Variants in GLRA3 observed in about 807,000 individuals in gnomAD.
GLRA3 encodes the protein glycine receptor subunit alpha-3.
A neutral mutation model predicts 60.4 loss-of-function variants in GLRA3; 44 were observed. That is an observed-to-expected ratio of 0.73 (90% CI 0.57 to 0.94). The LOEUF is 0.94. Among genes scored for constraint, GLRA3 ranks in the 40% least tolerant of loss-of-function variants. The pLI is 0.00. For missense variants in GLRA3, 508 were observed against 564.6 expected, an observed-to-expected ratio of 0.90 and a Z score of 1.02; for synonymous variants, 223 against 192.9, an observed-to-expected ratio of 1.16 and a Z score of -1.29.
At chr4:174,771,629 G>A (rs1738390275) in intron 2 of GLRA3, among the ~76,000 whole-genome samples, 1 of 152,184 alleles carries the variant, frequency 6.6e-6, no homozygotes, top group African/African-American at 2.4e-5. Context: ...GGGGGAACAT[G>A]GCCCAGGAGG....
Position 174,643,456 on chromosome 4 carries a change from A to G in GLRA3, c.*330T>C. 1 of 884,430 alleles carries G rather than the reference A, an allele frequency of 1.1e-6. No individual in the cohort carries two copies. The highest frequency in any genetic ancestry group is 1.3e-6 in the Non-Finnish European group (1 of 783,532). The allele number at this position is 884,430 out of a possible 1,614,324, so 54.8% of individuals were successfully genotyped here. ...TTGAATTACAAATCAAGGAATTTCA[A>G]AGTAGTTTTCATGTCTACTATTATG... On this transcript the variant is annotated 3_prime_UTR_variant, in exon 10 of 10. Transcript: ENST00000274093.
chr4:174,788,797 T>C lies in GLRA3; in HGVS notation c.199+19A>G, dbSNP rs1561119838. The C allele has an allele frequency of 2.6e-6, 4 of 1,560,138 alleles. No homozygotes were observed. The highest frequency in any genetic ancestry group is 1.7e-4 in the Middle Eastern group (1 of 5,896). ...GTATATTTAAAACACACATATAAAG[T>C]AGCAAACAGAACAATTACCTTTAAA... On this transcript the variant is annotated intron_variant, in intron 2 of 9. Coordinates refer to ENST00000274093, the MANE Select transcript of GLRA3 (RefSeq NM_006529.4).
intron 7 of GLRA3, among the ~76,000 whole-genome samples, chr4:174,674,613 A>T (rs1734040464): frequency 6.6e-6 from 1 of 152,112 alleles, no homozygotes; most frequent in African/African-American, 2.4e-5. Context: ...CTTACAGGAG[A>T]TGTATTGACA....
chr4:174,692,476 T>C (rs1579455217), intron 5 of GLRA3, among the ~76,000 whole-genome samples: 1 of 150,318 alleles, frequency 6.7e-6, no homozygotes, highest in Non-Finnish European at 1.5e-5. Flanking sequence ...ATGATGACAA[T>C]GGCGGTTTTG....
chr4:174,703,728 T>C (rs752580434), intron 5 of GLRA3, among the ~76,000 whole-genome samples: 1 of 152,186 alleles, frequency 6.6e-6, no homozygotes, highest in Non-Finnish European at 1.5e-5. Flanking sequence ...TCTTATAAAA[T>C]AGAAAACTGA....
chr4:174,786,717 A>G (rs986401902), intron 2 of GLRA3, among the ~76,000 whole-genome samples: 4 of 152,206 alleles, frequency 2.6e-5, no homozygotes, highest in African/African-American at 9.6e-5. Context: ...GACAAAGCAA[A>G]AGTGTTAGCT....
At chr4:174,705,842 G>A (rs1395990931) in intron 5 of GLRA3, among the ~76,000 whole-genome samples, 1 of 146,902 alleles carries the variant, frequency 6.8e-6, no homozygotes, top group Non-Finnish European at 1.5e-5. Flanking sequence ...GTAGTGGGGT[G>A]GGGGTGGGGA....
chr4:174,763,490 G>T (rs1738016478), intron 3 of GLRA3, among the ~76,000 whole-genome samples: 1 of 152,172 alleles, frequency 6.6e-6, no homozygotes, highest in Non-Finnish European at 1.5e-5. Flanking sequence ...GACCAGCCAG[G>T]TCTGTGTGTA....
chr4:174,714,118 A>G (rs1253006841), intron 5 of GLRA3, among the ~76,000 whole-genome samples: 1 of 152,224 alleles, frequency 6.6e-6, no homozygotes, highest in Non-Finnish European at 1.5e-5. Context: ...CTGGAAAATT[A>G]TGAAAACTTC....
chr4:174,718,250 A>G (rs562923526), intron 4 of GLRA3, among the ~76,000 whole-genome samples: 1 of 152,368 alleles, frequency 6.6e-6, no homozygotes, highest in Non-Finnish European at 1.5e-5. Context: ...AACACTACAT[A>G]TAAATTAAAG....
At chr4:174,721,028 TG>T (rs1736109746) in intron 4 of GLRA3, among the ~76,000 whole-genome samples, 1 of 149,194 alleles carries the variant, frequency 6.7e-6, no homozygotes, top group Admixed American at 6.7e-5. Context: ...TGTGTGTGTG[TG>T]TGTGTGTGTG....
intron 1 of GLRA3, among the ~76,000 whole-genome samples, chr4:174,796,582 G>A (rs1371613756): frequency 6.6e-6 from 1 of 151,530 alleles, no homozygotes; most frequent in Non-Finnish European, 1.5e-5. Flanking sequence ...CTGTCACCAG[G>A]CTGGAGTGCA....
rs1736410147 is a variant in GLRA3, at chr4:174,728,554, C to A, written c.412G>T (p.Gly138Cys). ...GTAGTGACTTCATGAAAGTTGGCACCCTTTTCATTGGCAAAGAACAAATCA... is the reference window on the plus strand; with the variant it reads ...GTAGTGACTTCATGAAAGTTGGCACACTTTTCATTGGCAAAGAACAAATCA... ...KPDLFFANEK[G>C]ANFHEVTTDN... is the part of the protein sequence containing the mutation. Residue 138 changes from glycine to cysteine, a missense_variant, in exon 4 of 10, where the codon GGT becomes TGT. By Grantham distance (159) the Gly-to-Cys change is radical (BLOSUM62 -3). Coordinates refer to ENST00000274093, the MANE Select transcript of GLRA3 (RefSeq NM_006529.4). 1.2e-6 allele frequency: 2 copies of A among 1,613,324 alleles called. No homozygotes were observed. Among genetic ancestry groups the A allele is most frequent in the Admixed American group, 1.7e-5 (1 of 60,000 alleles).
chr4:174,750,898 T>C (rs756968044), intron 3 of GLRA3, among the ~76,000 whole-genome samples: 25 of 152,274 alleles, frequency 1.6e-4, no homozygotes, highest in Admixed American at 3.9e-4. Context: ...GAAGCTTTAC[T>C]GATAGATGAA....
At chr4:174,723,813 A>G (rs1031036618) in intron 4 of GLRA3, among the ~76,000 whole-genome samples, 1 of 152,026 alleles carries the variant, frequency 6.6e-6, no homozygotes, top group African/African-American at 2.4e-5. Context: ...TCATGACCTC[A>G]TGTTAAGAGA....
chr4:174,684,743 C>T, intron 5 of GLRA3, among the ~76,000 whole-genome samples: 1 of 152,176 alleles, frequency 6.6e-6, no homozygotes, highest in East Asian at 1.9e-4. Flanking sequence ...CGCAGTGTCT[C>T]ACATCTGTAA....
At chr4:174,793,170 T>C (rs1739424726) in intron 1 of GLRA3, among the ~76,000 whole-genome samples, 2 of 152,270 alleles carry the variant, frequency 1.3e-5, no homozygotes, top group Middle Eastern at 3.4e-3. Flanking sequence ...TACTCTACTA[T>C]GTGTTTCTTA....
chr4:174,659,888 C>T (rs977444651), intron 7 of GLRA3, among the ~76,000 whole-genome samples: 1 of 150,766 alleles, frequency 6.6e-6, no homozygotes, highest in South Asian at 2.1e-4. Flanking sequence ...AGGAGAATCG[C>T]TTGAACCCAG....
At chr4:174,656,078 G>T (rs1038182079) in intron 9 of GLRA3, among the ~76,000 whole-genome samples, 1 of 151,948 alleles carries the variant, frequency 6.6e-6, no homozygotes, top group Non-Finnish European at 1.5e-5. Flanking sequence ...TTTAATTATT[G>T]CATACTATAT....
Sources: allele counts gnomAD v4.1 joint callset (sites outside exome capture counted in the v4.1 genomes callset), GRCh38; gene constraint gnomAD v4.1.1; transcripts MANE v1.5; gene names NCBI Gene and HGNC (gene_info 2026-07-23, HGNC 2026-07-21).